The following ANTXR1 variants were observed in gnomAD, a reference collection of about 807,000 sequenced individuals.
ANTXR1 encodes the protein ANTXR cell adhesion molecule 1.
ANTXR1 carries 19 observed loss-of-function variants against 78.1 expected under a neutral mutation model. The observed-to-expected ratio is 0.24, with a 90% CI of 0.17 to 0.36. ANTXR1 has a LOEUF of 0.36. Among genes scored for constraint, ANTXR1 ranks in the 10% least tolerant of loss-of-function variants. The probability of loss-of-function intolerance (pLI) is 1.00; values close to 1 mark genes in which losing one functional copy is unlikely to be tolerated. For missense variants in ANTXR1, 518 were observed against 718.6 expected, an observed-to-expected ratio of 0.72 and a Z score of 3.19; for synonymous variants, 273 against 260.5, an observed-to-expected ratio of 1.05 and a Z score of -0.46.
At chr2:69,095,619 G>C (rs1412668554) in intron 9 of ANTXR1, among the ~76,000 whole-genome samples, 1 of 152,172 alleles carries the variant, frequency 6.6e-6, no homozygotes, top group Non-Finnish European at 1.5e-5. Context: ...CACCATGGAG[G>C]GGTTGGGGAG....
chr2:69,191,566 C>G (rs1168201818), intron 16 of ANTXR1, among the ~76,000 whole-genome samples: 2 of 152,216 alleles, frequency 1.3e-5, no homozygotes, highest in African/African-American at 4.8e-5. Context: ...CATACACACA[C>G]CCATACACAC....
chr2:69,246,379 T>C lies in ANTXR1; in HGVS notation c.*894T>C, dbSNP rs997684736. 1.3e-5 allele frequency: 2 copies of C among 152,252 alleles called. No individual in the cohort carries two copies. The highest frequency in any genetic ancestry group is 2.9e-5 in the Non-Finnish European group (2 of 68,052). 9.4% of individuals were successfully genotyped at this position (152,252 alleles called of 1,614,324 possible). On this transcript the variant is annotated 3_prime_UTR_variant, in exon 18 of 18. Transcript: ENST00000303714. ...GCTTCAGTTTAAATCACTTGAGGTA[T>C]GAAGTTTATCCTGTTTTCCAGAGAT...
In ANTXR1 at chr2:69,028,404, T is replaced by C. The variant is rs1163460674; in HGVS notation, c.153-11640T>C. 1.3e-5 allele frequency among the ~76,000 whole-genome samples: 2 copies of C among 152,184 alleles called. 1 individual carries two copies. The highest frequency in any genetic ancestry group is 1.3e-4 in the Admixed American group (2 of 15,282). ...AAATGGTGAATTTTGATTGACACAA[T>C]TAATCTTTTATGATGGATAAAATTT... On this transcript the variant is annotated intron_variant, in intron 1 of 17. Coordinates refer to ENST00000303714, the MANE Select transcript of ANTXR1 (RefSeq NM_032208.3).
intron 1 of ANTXR1, among the ~76,000 whole-genome samples, chr2:69,017,193 C>T (rs1573769210): frequency 6.6e-6 from 1 of 152,172 alleles, no homozygotes; most frequent in African/African-American, 2.4e-5. Context: ...GGCCAAAACG[C>T]AGTGGTGGCA....
At chr2:69,109,962 A>C (rs964089360) in intron 10 of ANTXR1, among the ~76,000 whole-genome samples, 27 of 152,236 alleles carry the variant, frequency 1.8e-4, no homozygotes, top group Non-Finnish European at 3.7e-4. Context: ...ACAATTCCTA[A>C]AATCGGTTAA....
chr2:69,046,962 A>G (rs1454889818), intron 3 of ANTXR1, among the ~76,000 whole-genome samples: 2 of 152,344 alleles, frequency 1.3e-5, no homozygotes, highest in African/African-American at 4.8e-5. Context: ...GGGTAAATCA[A>G]AAGAAATAAT....
intron 10 of ANTXR1, among the ~76,000 whole-genome samples, chr2:69,109,883 A>C (rs1671925503): frequency 6.6e-6 from 1 of 152,226 alleles, no homozygotes; most frequent in Non-Finnish European, 1.5e-5. Context: ...CTACAATAAA[A>C]CAAACAAGAA....
At chr2:69,040,976 C>T (rs1669599132) in intron 2 of ANTXR1, among the ~76,000 whole-genome samples, 1 of 152,194 alleles carries the variant, frequency 6.6e-6, no homozygotes, top group Non-Finnish European at 1.5e-5. Flanking sequence ...TGGGTAGTGA[C>T]AGACATGTTC....
At chr2:69,245,025 A>AT (rs1236164876) in intron 17 of ANTXR1, among the ~76,000 whole-genome samples, 200 bp from the exon 18 acceptor site, 1 of 152,070 alleles carries the variant, frequency 6.6e-6, no homozygotes, top group Non-Finnish European at 1.5e-5. Flanking sequence ...GAAAAGATGA[A>AT]TTTTAACAGT....
chr2:69,192,470 T>C (rs1381448642), intron 16 of ANTXR1, among the ~76,000 whole-genome samples: 1 of 152,156 alleles, frequency 6.6e-6, no homozygotes, highest in Non-Finnish European at 1.5e-5. Flanking sequence ...CACATCTCCT[T>C]CTCTGGATTT....
intron 3 of ANTXR1, among the ~76,000 whole-genome samples, chr2:69,059,908 T>C (rs1345478437): frequency 6.6e-6 from 1 of 152,222 alleles, no homozygotes; most frequent in African/African-American, 2.4e-5. Context: ...AAAAGCCAGA[T>C]GGTGCCATAG....
At chr2:69,195,596 A>G (rs1055340990) in intron 17 of ANTXR1, among the ~76,000 whole-genome samples, 4 of 152,344 alleles carry the variant, frequency 2.6e-5, no homozygotes, top group African/African-American at 9.6e-5. Flanking sequence ...GACAGTCAAC[A>G]AGACCAAATT....
intron 12 of ANTXR1, among the ~76,000 whole-genome samples, chr2:69,149,312 C>G (rs1292596171): frequency 1.3e-5 from 2 of 152,154 alleles, no homozygotes; most frequent in Admixed American, 1.3e-4. Context: ...ATTAGGGGCA[C>G]CAAGCTTGGC....
chr2:69,075,601 T>G lies in ANTXR1; in HGVS notation c.504T>G (p.Ser168=). The G allele has an allele frequency of 6.2e-7, 1 of 1,614,146 alleles. No individual in the cohort carries two copies. The highest frequency in any genetic ancestry group is 2.2e-5 in the East Asian group (1 of 44,880). The change falls in exon 7 of 18, where the codon TCT becomes TCG. Residue 168 remains serine, a synonymous_variant. Transcript: ENST00000303714. The part of the protein sequence containing the change: ...FFYSEREANR[S]RDLGAIVYCV... ...TTTCCTTTTCCCAGGCTAATAGGTCTCGAGATCTTGGTGCAATTGTTTACT... is the reference window on the plus strand; with the variant it reads ...TTTCCTTTTCCCAGGCTAATAGGTCGCGAGATCTTGGTGCAATTGTTTACT...
chr2:69,146,239 G>A (rs1362923590), intron 12 of ANTXR1: 1 of 985,320 alleles, frequency 1.0e-6, no homozygotes, highest in Non-Finnish European at 1.2e-6. Context: ...ACAGGAAGAT[G>A]CAACCCCATG....
At chr2:69,159,893 TTG>T in intron 13 of ANTXR1, among the ~76,000 whole-genome samples, 1 of 152,194 alleles carries the variant, frequency 6.6e-6, no homozygotes, top group African/African-American at 2.4e-5. Flanking sequence ...AATCAAAAAC[TTG>T]ATATACCTTA....
intron 10 of ANTXR1, among the ~76,000 whole-genome samples, chr2:69,104,174 C>T (rs1032620289): frequency 2.0e-5 from 3 of 151,992 alleles, no homozygotes; most frequent in Admixed American, 6.6e-5. Flanking sequence ...CCTGACCTCA[C>T]ATGATCCACC....
intron 16 of ANTXR1, among the ~76,000 whole-genome samples, chr2:69,187,609 G>A (rs111846622): frequency 6.9e-5 from 6 of 87,426 alleles, no homozygotes; most frequent in Non-Finnish European, 1.1e-4. Context: ...TTTTTTTTGA[G>A]ACAGAGTCTC....
chr2:69,075,754 A>G (rs114390027), intron 7 of ANTXR1, 96 bp downstream of exon 7: 3 of 1,119,070 alleles, frequency 2.7e-6, no homozygotes, highest in Admixed American at 3.4e-5. Context: ...AATGGAATAA[A>G]TGCCCCTGAA....
Sources: allele counts gnomAD v4.1 joint callset (sites outside exome capture counted in the v4.1 genomes callset), GRCh38; gene constraint gnomAD v4.1.1; transcripts MANE v1.5; gene names NCBI Gene and HGNC (gene_info 2026-07-23, HGNC 2026-07-21).